MDGA2: variants seen among roughly 807,000 people sequenced by gnomAD.
MDGA2 encodes the protein MAM domain-containing glycosylphosphatidylinositol anchor protein 2.
Under a neutral mutation model 117.8 loss-of-function variants are expected in MDGA2, and 40 were observed. The ratio of observed to expected loss-of-function variants is 0.34; its 90% CI spans 0.26 to 0.44. MDGA2 has a LOEUF of 0.44. Among genes scored for constraint, MDGA2 ranks in the 20% least tolerant of loss-of-function variants. The pLI is 1.00. For missense variants in MDGA2, 1,123 were observed against 1,250.6 expected (o/e 0.90, Z 1.54); for synonymous variants, 452 against 439.0 (o/e 1.03, Z -0.37).
At chr14:46,915,632 G>T (rs1158785741) in intron 10 of MDGA2, among the ~76,000 whole-genome samples, 1 of 152,132 alleles carries the variant, frequency 6.6e-6, no homozygotes, top group Non-Finnish European at 1.5e-5. Flanking sequence ...TGAGGAAGGA[G>T]AAAAGCATCA....
chr14:47,500,021 A>AAAATC (rs1206306593), intron 1 of MDGA2, among the ~76,000 whole-genome samples: 1 of 152,182 alleles, frequency 6.6e-6, no homozygotes, highest in Non-Finnish European at 1.5e-5. Flanking sequence ...GATTTAAAAA[A>AAAATC]AAATCTGCAT....
chr14:46,906,965 C>T (rs1335403125), intron 10 of MDGA2, among the ~76,000 whole-genome samples: 1 of 138,706 alleles, frequency 7.2e-6, no homozygotes, highest in Non-Finnish European at 1.5e-5. Context: ...TCTTTGCTTA[C>T]CTTTTTCTTT....
chr14:47,440,078 G>A (rs1028089368), intron 1 of MDGA2, among the ~76,000 whole-genome samples: 8 of 151,994 alleles, frequency 5.3e-5, no homozygotes, highest in Non-Finnish European at 1.2e-4. Context: ...AGGCAGCACA[G>A]TGCAGACAAT....
intron 1 of MDGA2, among the ~76,000 whole-genome samples, chr14:47,389,702 GC>G (rs1223668679): frequency 4.0e-5 from 6 of 151,820 alleles, no homozygotes; most frequent in Admixed American, 3.9e-4. Context: ...GCAAAATACC[GC>G]CCTACTTTGC....
intron 5 of MDGA2, among the ~76,000 whole-genome samples, chr14:47,105,103 A>G (rs1354483425): frequency 4.6e-5 from 1 of 21,600 alleles, no homozygotes; most frequent in Non-Finnish European, 7.8e-5. Flanking sequence ...CAGACCACGC[A>G]GGGACGCCGC....
intron 1 of MDGA2, among the ~76,000 whole-genome samples, chr14:47,397,924 T>C (rs1056090404): frequency 6.6e-6 from 1 of 152,146 alleles, no homozygotes; most frequent in African/African-American, 2.4e-5. Flanking sequence ...ATTAGAAACA[T>C]CTGGTGACTA....
intron 6 of MDGA2, among the ~76,000 whole-genome samples, chr14:47,090,574 G>A (rs1174765937): frequency 6.6e-6 from 1 of 152,170 alleles, no homozygotes; most frequent in Non-Finnish European, 1.5e-5. Flanking sequence ...GCATACTACA[G>A]TGGCTTTAAA....
rs1594667899 is a variant in MDGA2 at position 47,146,422 on chromosome 14, G to A, written c.596-2148C>T. 2.0e-5 allele frequency among the ~76,000 whole-genome samples: 3 copies of A among 152,204 alleles called. No homozygotes were observed. The South Asian group carries it at 6.2e-4, about 32-fold the overall frequency. ...TCCATTTAAATTCATTCTATTAGCTGTGCAGCGATATATGCTGTCTGGTTT... is the reference window on the plus strand; with the variant it reads ...TCCATTTAAATTCATTCTATTAGCTATGCAGCGATATATGCTGTCTGGTTT... On this transcript the variant is annotated intron_variant, in intron 3 of 16. Coordinates refer to ENST00000399232, the MANE Select transcript of MDGA2 (RefSeq NM_001113498.3).
chr14:47,305,862 T>C (rs1291013524), intron 1 of MDGA2, among the ~76,000 whole-genome samples: 1 of 152,170 alleles, frequency 6.6e-6, no homozygotes, highest in Non-Finnish European at 1.5e-5. Context: ...TAAATCTGCC[T>C]GGGGGAGTCT....
rs372323087 is a variant in MDGA2, at chr14:47,645,358, C to G, written c.280+29159G>C. On this transcript the variant is annotated intron_variant, in intron 1 of 16. Transcript: ENST00000399232. The stretch of plus-strand genomic sequence containing the variant: ...TCCCGGGTTCACGCCATTCTCCTCC[C>G]GAGTAGCTGGGACTACAGGCGCATG... Among the ~76,000 whole-genome samples the G allele has an allele frequency of 1.9e-4, 29 of 151,890 alleles. 1 individual carries two copies. The highest frequency in any genetic ancestry group is 1.2e-3 in the East Asian group (6 of 5,134).
At chr14:46,912,534 A>G (rs563861572) in intron 10 of MDGA2, among the ~76,000 whole-genome samples, 1 of 152,304 alleles carries the variant, frequency 6.6e-6, no homozygotes, top group Admixed American at 6.5e-5. Flanking sequence ...ACAAGTCCAC[A>G]TGTGAAAATA....
intron 12 of MDGA2, among the ~76,000 whole-genome samples, chr14:46,874,932 T>A (rs1882164791): frequency 6.6e-6 from 1 of 151,272 alleles, no homozygotes; most frequent in African/African-American, 2.4e-5. Context: ...TTTCTAGGTA[T>A]CAAAGGTTTT....
chr14:47,208,533 T>C (rs1037418657), intron 3 of MDGA2, among the ~76,000 whole-genome samples: 1 of 127,032 alleles, frequency 7.9e-6, no homozygotes, highest in Non-Finnish European at 1.7e-5. Context: ...CTAAACTCTT[T>C]TTTTTTTTTT....
intron 2 of MDGA2, among the ~76,000 whole-genome samples, chr14:47,282,067 A>G (rs1888509979): frequency 6.6e-6 from 1 of 151,356 alleles, no homozygotes; most frequent in Admixed American, 6.6e-5. Flanking sequence ...AAAAAAAAAA[A>G]GACACTTTCT....
intron 5 of MDGA2, among the ~76,000 whole-genome samples, chr14:47,099,533 C>T (rs543558823): frequency 7.1e-4 from 108 of 152,026 alleles, no homozygotes; most frequent in African/African-American, 2.4e-3. Context: ...TCCATAGCTA[C>T]CCCTGCCAGT....
intron 2 of MDGA2, among the ~76,000 whole-genome samples, chr14:47,246,421 T>C (rs1230697263): frequency 2.0e-5 from 3 of 151,736 alleles, no homozygotes; most frequent in African/African-American, 7.3e-5. Context: ...TTCAATACCC[T>C]CCAGAAGGCT....
chr14:47,343,228 T>A, intron 1 of MDGA2: 2 of 1,131,760 alleles, frequency 1.8e-6, no homozygotes, highest in Non-Finnish European at 2.2e-6. Flanking sequence ...TGTTTGTTTG[T>A]TTTTTTCAGG....
chr14:46,976,642 T>C (rs1465496930), intron 8 of MDGA2, among the ~76,000 whole-genome samples: 1 of 152,006 alleles, frequency 6.6e-6, no homozygotes, highest in African/African-American at 2.4e-5. Flanking sequence ...TATTGGTACA[T>C]ATAACGTTAT....
intron 1 of MDGA2, among the ~76,000 whole-genome samples, chr14:47,642,897 A>C (rs1288274711): frequency 6.6e-6 from 1 of 152,058 alleles, no homozygotes; most frequent in Non-Finnish European, 1.5e-5. Flanking sequence ...ATTGGGTTCA[A>C]ACTCCAGCTG....
Sources: allele counts gnomAD v4.1 joint callset (sites outside exome capture counted in the v4.1 genomes callset), GRCh38; gene constraint gnomAD v4.1.1; transcripts MANE v1.5; gene names NCBI Gene and HGNC (gene_info 2026-07-23, HGNC 2026-07-21).